The following RIMKLB variants were observed in gnomAD, a reference collection of about 807,000 sequenced individuals.
The protein encoded by RIMKLB is beta-citrylglutamate synthase B.
RIMKLB carries 7 observed loss-of-function variants against 32.0 expected under a neutral mutation model. The observed-to-expected ratio is 0.22, with a 90% CI of 0.12 to 0.41. The LOEUF (loss-of-function observed/expected upper bound fraction) is 0.41. Ranked by LOEUF, RIMKLB falls within the 10% of genes least tolerant of loss-of-function variation. The pLI, the probability that RIMKLB is intolerant of heterozygous loss-of-function variation, is 1.00. For synonymous variants in RIMKLB, 172 were observed against 185.1 expected (o/e 0.93, Z 0.57); for missense variants, 289 against 498.7 (o/e 0.58, Z 4.00).
intron 1 of RIMKLB, among the ~76,000 whole-genome samples, chr12:8,691,108 T>C (rs1034802486): frequency 3.4e-4 from 52 of 152,030 alleles, no homozygotes; most frequent in African/African-American, 1.2e-3. Context: ...TAAGCAAGTA[T>C]CTAAGTTGTC....
chr12:8,755,236 C>T lies in RIMKLB; in HGVS notation c.697+1143C>T, dbSNP rs1271883253. On this transcript the variant is annotated intron_variant, in intron 5 of 5. Coordinates refer to ENST00000535829, the MANE Select transcript of RIMKLB (RefSeq NM_001297776.2). ...AGAATGCTGGGATTACAGGCATGAG[C>T]CACCACACCCAGCGCCGGGCTAATT... 3.3e-5 allele frequency among the ~76,000 whole-genome samples: 5 copies of T among 152,100 alleles called. No homozygotes were observed. The East Asian group carries it at 9.7e-4, about 29-fold the overall frequency.
upstream of RIMKLB, among the ~76,000 whole-genome samples, chr12:8,696,627 C>A (rs1345773580): frequency 1.3e-5 from 2 of 152,194 alleles, no homozygotes; most frequent in Non-Finnish European, 2.9e-5. Flanking sequence ...TAAGTTACTG[C>A]AGAGGTTCAC....
intron 2 of RIMKLB, among the ~76,000 whole-genome samples, chr12:8,749,097 A>C (rs1489329478): frequency 1.3e-5 from 2 of 152,342 alleles, no homozygotes; most frequent in African/African-American, 4.8e-5. Flanking sequence ...AAAACATACA[A>C]AACATAATAT....
chr12:8,750,122 G>A, intron 3 of RIMKLB, 30 bp downstream of exon 3: 1 of 1,345,526 alleles, frequency 7.4e-7, no homozygotes, highest in Non-Finnish European at 1.1e-6. Flanking sequence ...TACATAGCCT[G>A]AATATTAACC....
intron 3 of RIMKLB, among the ~76,000 whole-genome samples, chr12:8,750,737 G>T (rs1455520232): frequency 6.6e-6 from 1 of 151,648 alleles, no homozygotes; most frequent in Non-Finnish European, 1.5e-5. Flanking sequence ...TACCCTTTTT[G>T]TATTTATCTG....
intron 2 of RIMKLB, among the ~76,000 whole-genome samples, chr12:8,724,003 GTTTTGTTTTT>G (rs1000247283): frequency 4.0e-5 from 6 of 151,550 alleles, no homozygotes; most frequent in African/African-American, 1.5e-4. Context: ...GTTTTGTTTT[GTTTTGTTTTT>G]ATGGAGTTGG....
chr12:8,720,486 A>G lies in RIMKLB; in HGVS notation c.175+6445A>G, dbSNP rs1234254197. Among the ~76,000 whole-genome samples the G allele has an allele frequency of 2.6e-5, 4 of 152,174 alleles. No homozygotes were observed. The East Asian group carries it at 5.8e-4, about 22-fold the overall frequency. Reference sequence around the variant, plus strand: ...CTAGTAGAATTAAAGACTATAAACTATACTAAGCAGCTGAGGATGCATTTT... The same window carrying G: ...CTAGTAGAATTAAAGACTATAAACTGTACTAAGCAGCTGAGGATGCATTTT... On this transcript the variant is annotated intron_variant, in intron 2 of 5. Coordinates refer to ENST00000535829, the MANE Select transcript of RIMKLB (RefSeq NM_001297776.2).
At chr12:8,767,280 G>T (rs1950047172) in intron 5 of RIMKLB, among the ~76,000 whole-genome samples, 1 of 152,010 alleles carries the variant, frequency 6.6e-6, no homozygotes, top group Non-Finnish European at 1.5e-5. Context: ...TACAAACTTG[G>T]GGCCCTGGCA....
chr12:8,764,404 G>C (rs1949782265), intron 5 of RIMKLB, among the ~76,000 whole-genome samples: 2 of 152,216 alleles, frequency 1.3e-5, no homozygotes, highest in African/African-American at 4.8e-5. Context: ...CCTAACAAGG[G>C]AGTGGGGCTT....
chr12:8,774,863 C>G lies in RIMKLB; in HGVS notation c.*1079C>G. 1 of 985,394 alleles carries G rather than the reference C, an allele frequency of 1.0e-6. No individual in the cohort carries two copies. The highest frequency in any genetic ancestry group is 1.2e-6 in the Non-Finnish European group (1 of 829,794). The allele number at this position is 985,394 out of a possible 1,614,324, so 61.0% of individuals were successfully genotyped here. Reference sequence around the variant, plus strand: ...ATATATTTGCATTTTTCACATTTTACGAGGGAGTATATGTGTATGTGTGTG... The same window carrying G: ...ATATATTTGCATTTTTCACATTTTAGGAGGGAGTATATGTGTATGTGTGTG... On this transcript the variant is annotated 3_prime_UTR_variant, in exon 6 of 6. Coordinates refer to ENST00000535829, the MANE Select transcript of RIMKLB (RefSeq NM_001297776.2).
intron 2 of RIMKLB, among the ~76,000 whole-genome samples, chr12:8,735,294 A>G (rs149874625): frequency 5.9e-5 from 9 of 152,208 alleles, no homozygotes; most frequent in African/African-American, 2.2e-4. Flanking sequence ...CATTGCCACA[A>G]TCTTGGCCCA....
chr12:8,709,690 A>T (rs749715967), intron 1 of RIMKLB, among the ~76,000 whole-genome samples: 2 of 152,222 alleles, frequency 1.3e-5, no homozygotes, highest in Non-Finnish European at 2.9e-5. Flanking sequence ...CCCTGGTTTC[A>T]CTTTCTGTGG....
At chr12:8,753,558 A>T (rs1168695014) in intron 4 of RIMKLB, among the ~76,000 whole-genome samples, 1 of 152,250 alleles carries the variant, frequency 6.6e-6, no homozygotes, top group African/African-American at 2.4e-5. Context: ...ACATGTTTTA[A>T]TTCAGAGATA....
At chr12:8,744,704 A>G (rs1385132296) in intron 2 of RIMKLB, among the ~76,000 whole-genome samples, 1 of 151,704 alleles carries the variant, frequency 6.6e-6, no homozygotes, top group African/African-American at 2.4e-5. Context: ...TCTGTTGCTT[A>G]GGCTGGAGTG....
Position 8,773,512 on chromosome 12 carries a change from G to A in RIMKLB, c.889G>A (p.Gly297Ser). Residue 297 changes from glycine (G) to serine (S), a missense_variant, in exon 6 of 6, where the codon GGT becomes AGT. Physicochemically the swap from Gly to Ser is moderately conservative, Grantham distance 56. Around this residue, in one of 3 missense-constraint regions of RIMKLB, gnomAD observed 99 missense variants for 133.9 expected, o/e 0.74. Coordinates refer to ENST00000535829, the MANE Select transcript of RIMKLB (RefSeq NM_001297776.2). ...TAAGGCTTGTAATCTAGATGTAGCT[G>A]GTATCATAGCAGACTATGCCGCCTC... ...FDKACNLDVA[G>S]IIADYAASLL... is the part of the protein sequence containing the mutation. The A allele has an allele frequency of 6.2e-7, 1 of 1,614,240 alleles. No homozygotes were observed. Among genetic ancestry groups the A allele is most frequent in the Non-Finnish European group, 8.5e-7 (1 of 1,180,042 alleles).
At chr12:8,718,313 CT>C (rs1314263679) in intron 2 of RIMKLB, among the ~76,000 whole-genome samples, 5 of 152,080 alleles carry the variant, frequency 3.3e-5, no homozygotes, top group African/African-American at 1.2e-4. Context: ...CAGTTTTATG[CT>C]TGTTCTTTGG....
intron 1 of RIMKLB, among the ~76,000 whole-genome samples, chr12:8,705,833 TAG>T (rs1943826237): frequency 6.6e-6 from 1 of 152,154 alleles, no homozygotes; most frequent in Non-Finnish European, 1.5e-5. Flanking sequence ...GCAACTCAGG[TAG>T]CATTTCTGTG....
intron 2 of RIMKLB, among the ~76,000 whole-genome samples, chr12:8,715,602 C>A (rs1944761962): frequency 6.6e-6 from 1 of 152,092 alleles, no homozygotes; most frequent in Non-Finnish European, 1.5e-5. Flanking sequence ...ATTCTCTTTT[C>A]AGTATATACT....
intron 3 of RIMKLB, among the ~76,000 whole-genome samples, chr12:8,751,724 A>G (rs1948634088): frequency 6.6e-6 from 1 of 152,214 alleles, no homozygotes; most frequent in Non-Finnish European, 1.5e-5. Flanking sequence ...TTTAGCTGAA[A>G]GATACTTAAG....
Sources: gnomAD v4.1 joint callset for allele counts (sites outside exome capture counted in the v4.1 genomes callset) on GRCh38, gnomAD v4.1.1 for gene constraint, gnomAD v4.1.1 regional missense constraint, MANE v1.5 for transcripts, NCBI Gene and HGNC (gene_info 2026-07-23, HGNC 2026-07-21) for gene names.